Variants in ATG10 observed in about 807,000 individuals in gnomAD.
ATG10 encodes autophagy related 10.
A neutral mutation model predicts 32.1 loss-of-function variants in ATG10; 30 were observed. The observed-to-expected ratio is 0.94, with a 90% CI of 0.70 to 1.27. The LOEUF is 1.27. Among genes scored for constraint, ATG10 ranks in the 50% most tolerant of loss-of-function variants. The pLI is 0.00. For synonymous variants in ATG10, 87 were observed against 91.5 expected (o/e 0.95, Z 0.28); for missense variants, 233 against 262.3 (o/e 0.89, Z 0.77).
chr5:81,999,814 C>T (rs562386764), intron 2 of ATG10, among the ~76,000 whole-genome samples: 8 of 152,128 alleles, frequency 5.3e-5, no homozygotes, highest in South Asian at 4.2e-4. Flanking sequence ...TGGAAACATA[C>T]GACTTCCCAA....
At chr5:82,109,655 T>A (rs1480804193) in intron 3 of ATG10, among the ~76,000 whole-genome samples, 1 of 151,812 alleles carries the variant, frequency 6.6e-6, no homozygotes, top group African/African-American at 2.4e-5. Context: ...AAAGAGGGAT[T>A]AAAAAGTTAC....
chr5:82,160,136 A>T (rs1743255931), intron 3 of ATG10, among the ~76,000 whole-genome samples: 1 of 152,188 alleles, frequency 6.6e-6, no homozygotes. Context: ...GATACAGAAT[A>T]GTTCCATCAC....
At chr5:81,986,553 T>A (rs78614960) in intron 1 of ATG10, among the ~76,000 whole-genome samples, 9,561 of 152,196 alleles carry the variant, frequency 0.063, 386 homozygotes, top group Non-Finnish European at 0.091. Context: ...ATGAACAAAC[T>A]CTTACATAGA....
intron 1 of ATG10, among the ~76,000 whole-genome samples, chr5:81,979,335 G>C (rs2149653739): frequency 6.6e-6 from 1 of 152,304 alleles, no homozygotes. Context: ...AGACCATCCT[G>C]GCTAACACGG....
chr5:82,178,604 A>G lies in ATG10; in HGVS notation c.453+17A>G, dbSNP rs756348331. 2 of 1,466,078 alleles carry G rather than the reference A, an allele frequency of 1.4e-6. No homozygotes were observed. The highest frequency in any genetic ancestry group is 1.9e-6 in the Non-Finnish European group (2 of 1,045,914). The allele number at this position is 1,466,078 out of a possible 1,614,324, so 90.8% of individuals were successfully genotyped here. On this transcript the variant is annotated intron_variant, in intron 5 of 7. Transcript: ENST00000282185. ...ACGCAACAGGTTGGAGAGTATTGTC[A>G]TTTTATTGTATGCATGTTATTGTAT...
At chr5:82,063,495 T>A (rs1355120079) in intron 3 of ATG10, among the ~76,000 whole-genome samples, 3 of 132,268 alleles carry the variant, frequency 2.3e-5, no homozygotes, top group Non-Finnish European at 5.1e-5. Flanking sequence ...CTGCTAACAA[T>A]TTTTTTTTTT....
intron 3 of ATG10, among the ~76,000 whole-genome samples, chr5:82,132,456 C>T (rs1032226666): frequency 1.3e-5 from 2 of 149,202 alleles, no homozygotes; most frequent in Non-Finnish European, 3.0e-5. Context: ...TCCCTGTGTC[C>T]ATGTGTTCTC....
chr5:81,978,207 T>A (rs1259904870), intron 1 of ATG10, among the ~76,000 whole-genome samples: 2 of 152,054 alleles, frequency 1.3e-5, no homozygotes, highest in African/African-American at 4.8e-5. Flanking sequence ...GTAGCTGGGA[T>A]TACATGTGCC....
At chr5:82,246,052 G>A (rs1041809342) in intron 5 of ATG10, among the ~76,000 whole-genome samples, 3 of 150,028 alleles carry the variant, frequency 2.0e-5, no homozygotes, top group Non-Finnish European at 4.4e-5. Context: ...TAACAACAGA[G>A]GCACAACTTA....
Position 82,058,081 on chromosome 5 carries a change from A to G in ATG10, c.109-414A>G, listed in dbSNP as rs187529760. ...TTTTCATAGAGATCTTGCCTTGAGAAAGAAATTGAAATGGAAGCTTTCTTG... is the reference window on the plus strand; with the variant it reads ...TTTTCATAGAGATCTTGCCTTGAGAGAGAAATTGAAATGGAAGCTTTCTTG... On this transcript the variant is annotated intron_variant, in intron 2 of 7. Coordinates refer to ENST00000282185, the MANE Select transcript of ATG10 (RefSeq NM_031482.5). 6.6e-5 allele frequency among the ~76,000 whole-genome samples: 10 copies of G among 152,306 alleles called. No individual in the cohort carries two copies. The Middle Eastern group carries it at 0.01, about 155-fold the overall frequency.
At chr5:81,980,878 C>G (rs1299157994) in intron 1 of ATG10, among the ~76,000 whole-genome samples, 1 of 152,138 alleles carries the variant, frequency 6.6e-6, no homozygotes, top group Non-Finnish European at 1.5e-5. Context: ...ATCTGTTTCT[C>G]TGAAGGGAAT....
At chr5:82,049,473 C>G (rs919448532) in intron 2 of ATG10, among the ~76,000 whole-genome samples, 1 of 151,538 alleles carries the variant, frequency 6.6e-6, no homozygotes, top group Non-Finnish European at 1.5e-5. Flanking sequence ...GTGGGTGCAG[C>G]GCACCAGCAT....
chr5:82,090,260 C>T (rs1325432758), intron 3 of ATG10, among the ~76,000 whole-genome samples: 1 of 152,026 alleles, frequency 6.6e-6, no homozygotes, highest in Non-Finnish European at 1.5e-5. Context: ...TGCTTCTGGG[C>T]ATCTATCCCC....
At chr5:82,082,271 T>G (rs1284837334) in intron 3 of ATG10, among the ~76,000 whole-genome samples, 5 of 152,160 alleles carry the variant, frequency 3.3e-5, no homozygotes, top group Non-Finnish European at 5.9e-5. Context: ...ACTGGCTTTT[T>G]TCCTAGACAC....
intron 5 of ATG10, among the ~76,000 whole-genome samples, chr5:82,217,384 A>G (rs796552999): frequency 5.3e-5 from 8 of 152,280 alleles, no homozygotes; most frequent in African/African-American, 1.7e-4. Flanking sequence ...TATGTGCATT[A>G]GTTCATTTAC....
rs963882006 is a variant in ATG10 at position 81,988,982 on chromosome 5, C to T, written c.108+1304C>T. On this transcript the variant is annotated intron_variant, in intron 2 of 7. Transcript: ENST00000282185. The stretch of plus-strand genomic sequence containing the variant: ...TAGTAGCTGGGATTTTAGGTGTCCA[C>T]CACCATGCCTGGCTAATTTTTGTAT... 9.2e-5 allele frequency among the ~76,000 whole-genome samples: 14 copies of T among 152,220 alleles called. No individual in the cohort carries two copies. The South Asian group carries it at 1.5e-3, about 16-fold the overall frequency.
intron 3 of ATG10, among the ~76,000 whole-genome samples, chr5:82,153,004 GACA>G (rs1729562932): frequency 6.6e-6 from 1 of 152,188 alleles, no homozygotes; most frequent in African/African-American, 2.4e-5. Context: ...AAGTGAATAA[GACA>G]GGCAAAAGCC....
At chr5:82,148,654 C>T (rs182189856) in intron 3 of ATG10, among the ~76,000 whole-genome samples, 12 of 152,316 alleles carry the variant, frequency 7.9e-5, no homozygotes, top group African/African-American at 2.9e-4. Flanking sequence ...GACACTTCCT[C>T]ACCACAAGTT....
intron 3 of ATG10, among the ~76,000 whole-genome samples, chr5:82,122,804 A>G (rs1766094909): frequency 6.6e-6 from 1 of 152,232 alleles, no homozygotes. Context: ...CAAAACCACA[A>G]TGTGATACCA....
Sources: allele counts gnomAD v4.1 joint callset (sites outside exome capture counted in the v4.1 genomes callset), GRCh38; gene constraint gnomAD v4.1.1; transcripts MANE v1.5; gene names NCBI Gene and HGNC (gene_info 2026-07-23, HGNC 2026-07-21).